Variants in INPP5D observed in about 807,000 individuals in gnomAD.
INPP5D encodes the protein phosphatidylinositol 3,4,5-trisphosphate 5-phosphatase 1.
INPP5D carries 33 observed loss-of-function variants against 122.9 expected under a neutral mutation model. That is an observed-to-expected ratio of 0.27 (90% CI 0.20 to 0.36). INPP5D has a LOEUF of 0.36. Ranked by LOEUF, INPP5D falls within the 10% of genes least tolerant of loss-of-function variation. INPP5D has a pLI of 1.00. For missense variants in INPP5D, 1,053 were observed against 1,412.7 expected, an observed-to-expected ratio of 0.75 and a Z score of 4.08; for synonymous variants, 584 against 576.2, an observed-to-expected ratio of 1.01 and a Z score of -0.19.
rs1202122282 is a variant in INPP5D at position 233,078,697 on chromosome 2, G to C, written c.135-638G>C. On this transcript the variant is annotated intron_variant, in intron 1 of 26. Transcript: ENST00000445964. The surrounding 1 kb of genome is among the most constrained non-coding windows in gnomAD (Gnocchi z 4.6). ...TTGTTTTTTTGTTTTGTTTTGTTTT[G>C]TTTTGAGACGGAGTCTCACTCTGTC... Among the ~76,000 whole-genome samples, 2 of 151,694 alleles carry C rather than the reference G, an allele frequency of 1.3e-5. No homozygotes were observed. Among genetic ancestry groups the C allele is most frequent in the Non-Finnish European group, 2.9e-5 (2 of 67,898 alleles).
intron 13 of INPP5D, among the ~76,000 whole-genome samples, chr2:233,166,845 G>A (rs1468848415): frequency 6.6e-6 from 1 of 152,104 alleles, no homozygotes; most frequent in East Asian, 1.9e-4. Flanking sequence ...TTAGTTGGAT[G>A]TGGTGGTGCG....
At chr2:233,163,955 G>A (rs148391204) in intron 12 of INPP5D, 52 bp downstream of exon 12, 68 of 1,589,360 alleles carry the variant, frequency 4.3e-5, no homozygotes, top group Admixed American at 1.6e-4. Flanking sequence ...ATCTTTGCTC[G>A]GCTGGGCTGT....
At chr2:233,068,293 A>G (rs1335277370) in intron 1 of INPP5D, among the ~76,000 whole-genome samples, 1 of 150,928 alleles carries the variant, frequency 6.6e-6, no homozygotes, top group Non-Finnish European at 1.5e-5. Flanking sequence ...CTCAAAAAAA[A>G]AAAAAAAAAT....
At chr2:233,181,547 A>G (rs894836677) in intron 18 of INPP5D, among the ~76,000 whole-genome samples, 3 of 152,166 alleles carry the variant, frequency 2.0e-5, no homozygotes, top group Admixed American at 2.0e-4. Flanking sequence ...CCTGCCAGGC[A>G]TCTCCAACGG....
intron 5 of INPP5D, chr2:233,133,918 C>T: frequency 2.2e-6 from 1 of 454,860 alleles, no homozygotes; most frequent in South Asian, 1.6e-5. Context: ...CCCGGTTATA[C>T]ACAGGCTCTG....
intron 2 of INPP5D, among the ~76,000 whole-genome samples, chr2:233,102,045 C>A (rs753993490): frequency 6.6e-6 from 1 of 151,756 alleles, no homozygotes; most frequent in East Asian, 1.9e-4. Flanking sequence ...TCTGTTAGTT[C>A]GTTAAACCAC....
chr2:233,114,039 T>C lies in INPP5D; in HGVS notation c.199-8068T>C, dbSNP rs185505955. Reference sequence around the variant, plus strand: ...CATTCTCCTGCTTCAGCCTCCCAAGTAGCTGGGACTACAGGCGCCACCAAC... The same window carrying C: ...CATTCTCCTGCTTCAGCCTCCCAAGCAGCTGGGACTACAGGCGCCACCAAC... On this transcript the variant is annotated intron_variant, in intron 2 of 26. Coordinates refer to ENST00000445964, the MANE Select transcript of INPP5D (RefSeq NM_001017915.3). Among the ~76,000 whole-genome samples, 39 of 152,008 alleles carry C rather than the reference T, an allele frequency of 2.6e-4. No homozygotes were observed. In the East Asian group the frequency reaches 6.2e-3, roughly 24 times the overall value.
At chr2:233,199,545 A>C (rs1695277206) in intron 25 of INPP5D, among the ~76,000 whole-genome samples, 1 of 145,120 alleles carries the variant, frequency 6.9e-6, no homozygotes, top group Non-Finnish European at 1.5e-5. Context: ...CAAAAAAAAA[A>C]ATGGCCAGGT....
intron 2 of INPP5D, among the ~76,000 whole-genome samples, chr2:233,118,959 CCTCACCGGGTCCACAG>C (rs552059023): frequency 7.3e-4 from 111 of 152,350 alleles, no homozygotes; most frequent in African/African-American, 2.6e-3. Context: ...CACGCGGTGG[CCTCACCGGGTCCACAG>C]GGACTCCTTT....
intron 25 of INPP5D, among the ~76,000 whole-genome samples, chr2:233,201,538 A>G (rs1695342289): frequency 6.6e-6 from 1 of 152,200 alleles, no homozygotes; most frequent in African/African-American, 2.4e-5. Context: ...CCGCTGCTCC[A>G]GGTCCCAGGC....
intron 24 of INPP5D, among the ~76,000 whole-genome samples, chr2:233,195,905 A>G (rs2106324591): frequency 6.6e-6 from 1 of 152,298 alleles, no homozygotes; most frequent in East Asian, 1.9e-4. Context: ...CAGGAGGCAG[A>G]GATTGCAGTG....
chr2:233,182,388 A>C, intron 18 of INPP5D, 22 bp from the exon 19 acceptor site: 2 of 1,613,064 alleles, frequency 1.2e-6, no homozygotes, highest in Non-Finnish European at 1.7e-6. Context: ...CCCTGCTTAA[A>C]AATGCCTTCC....
chr2:233,121,114 TTTC>T (rs1559302891), intron 2 of INPP5D, among the ~76,000 whole-genome samples: 18 of 133,782 alleles, frequency 1.3e-4, no homozygotes, highest in African/African-American at 5.1e-4. Flanking sequence ...TCTTTCTTTC[TTTC>T]TTTCTTTTTT....
chr2:233,181,149 C>G (rs943173700), intron 18 of INPP5D, among the ~76,000 whole-genome samples: 1 of 152,204 alleles, frequency 6.6e-6, no homozygotes, highest in Non-Finnish European at 1.5e-5. Context: ...GTCCCTTTCT[C>G]TGTTCTGTCT....
At chr2:233,107,660 G>C (rs1462925253) in intron 2 of INPP5D, among the ~76,000 whole-genome samples, 1 of 152,132 alleles carries the variant, frequency 6.6e-6, no homozygotes, top group African/African-American at 2.4e-5. Flanking sequence ...GGAGAAGATA[G>C]AACCCAGCTC....
At chr2:233,122,325 T>C in intron 3 of INPP5D, 68 bp downstream of exon 3, 1 of 1,501,590 alleles carries the variant, frequency 6.7e-7, no homozygotes, top group East Asian at 2.4e-5. Flanking sequence ...CCTTGAGTGC[T>C]TGTAGACTAG....
intron 2 of INPP5D, among the ~76,000 whole-genome samples, chr2:233,084,650 G>A (rs958439300): frequency 6.6e-6 from 1 of 152,248 alleles, no homozygotes; most frequent in South Asian, 2.1e-4. Flanking sequence ...CTCAGGAAGC[G>A]AGTGGCAGCT....
Position 233,170,353 on chromosome 2 carries a change from C to T in INPP5D, c.1792-143C>T. ...CCTCACGGTTCCCCTGTGCTCACAC[C>T]CGGTTCCCATAACTGTCACAGCCAC... On this transcript the variant is annotated intron_variant, in intron 15 of 26. Transcript: ENST00000445964. The surrounding 1 kb of genome is among the most constrained non-coding windows in gnomAD (Gnocchi z 4.5). 1 of 1,489,348 alleles carries T rather than the reference C, an allele frequency of 6.7e-7. No individual in the cohort carries two copies. The highest frequency in any genetic ancestry group is 1.3e-5 in the South Asian group (1 of 75,188). The allele number at this position is 1,489,348 out of a possible 1,614,324, so 92.3% of individuals were successfully genotyped here.
intron 9 of INPP5D, among the ~76,000 whole-genome samples, chr2:233,156,739 G>A (rs1287794172): frequency 6.6e-6 from 1 of 152,192 alleles, no homozygotes; most frequent in East Asian, 1.9e-4. Context: ...TGGTCACATA[G>A]ACACCCTCTA....
Sources: allele counts gnomAD v4.1 joint callset (sites outside exome capture counted in the v4.1 genomes callset), GRCh38; gene constraint gnomAD v4.1.1; non-coding constraint Gnocchi (gnomAD v3.1); transcripts MANE v1.5; gene names NCBI Gene and HGNC (gene_info 2026-07-23, HGNC 2026-07-21).